CLDN10: variants seen among roughly 807,000 people sequenced by gnomAD.
CLDN10 encodes the protein claudin 10, also known as claudin-10.
In CLDN10, 15 loss-of-function variants were observed where a neutral mutation model predicts 22.9. The ratio of observed to expected loss-of-function variants is 0.65; its 90% confidence interval spans 0.44 to 1.01. The LOEUF (loss-of-function observed/expected upper bound fraction) is 1.01. Ranked by LOEUF, CLDN10 falls within the 50% of genes least tolerant of loss-of-function variation. The pLI is 0.00. For synonymous variants in CLDN10, 114 were observed against 111.4 expected (o/e 1.02, Z -0.15); for missense variants, 247 against 287.8 (o/e 0.86, Z 1.03).
At chr13:95,576,272 T>G (rs1387862358) in intron 3 of CLDN10, among the ~76,000 whole-genome samples, 1 of 152,104 alleles carries the variant, frequency 6.6e-6, no homozygotes, top group African/African-American at 2.4e-5. Context: ...TTGCCTCATC[T>G]CCCCTATGGA....
At chr13:95,465,116 C>A (rs926615186) in intron 1 of CLDN10, among the ~76,000 whole-genome samples, 2 of 152,118 alleles carry the variant, frequency 1.3e-5, no homozygotes, top group African/African-American at 4.8e-5. Flanking sequence ...ACAATCATGG[C>A]AGAAGGCAAA....
chr13:95,535,373 T>C (rs1594594984), intron 1 of CLDN10, among the ~76,000 whole-genome samples: 1 of 148,472 alleles, frequency 6.7e-6, no homozygotes. Context: ...CTGGGAAGAG[T>C]AGTGTGGGCC....
intron 1 of CLDN10, among the ~76,000 whole-genome samples, chr13:95,501,661 T>G (rs1462512332): frequency 1.3e-5 from 2 of 152,250 alleles, no homozygotes; most frequent in Non-Finnish European, 2.9e-5. Context: ...GTCTGTTTCT[T>G]TATATTGCAA....
intron 1 of CLDN10, among the ~76,000 whole-genome samples, chr13:95,458,755 C>A (rs12874147): frequency 0.21 from 32,021 of 152,048 alleles, 4,177 homozygotes; most frequent in Non-Finnish European, 0.3. Context: ...CAGCCCCTCC[C>A]AAATCTCATG....
chr13:95,576,666 C>T (rs111363411), intron 3 of CLDN10, among the ~76,000 whole-genome samples: 46 of 152,266 alleles, frequency 3.0e-4, no homozygotes, highest in African/African-American at 1.0e-3. Flanking sequence ...GCTCCTGCTG[C>T]GGTCATCGGC....
Position 95,577,289 on chromosome 13 carries a change from GGTGGT to G in CLDN10, c.526_530del (p.Gly176HisfsTer8), listed in dbSNP as rs2043947412. ...GGCAGGAGCCTCACTGTGCATAATTGGTGGTGTCATATTTTGCTTTTCAATATCTG... is the reference window on the plus strand; with the variant it reads ...GGCAGGAGCCTCACTGTGCATAATTGGTCATATTTTGCTTTTCAATATCTG... On this transcript the variant is annotated frameshift_variant, in exon 4 of 5. Transcript: ENST00000299339. LOFTEE classifies it high-confidence loss of function. 3.1e-6 allele frequency: 5 copies of G among 1,614,078 alleles called. No homozygotes were observed. The highest frequency in any genetic ancestry group is 1.3e-5 in the African/African-American group (1 of 75,014).
Position 95,483,637 on chromosome 13 carries a change from G to A in CLDN10, c.214+49590G>A, listed in dbSNP as rs184918555. On this transcript the variant is annotated intron_variant, in intron 1 of 4. Transcript: ENST00000376873. ...GGGGACAGAAGCAGGAGTGGGCAGAGCAGTGACGTTGAGCTACAACCCAAG... is the reference window on the plus strand; with the variant it reads ...GGGGACAGAAGCAGGAGTGGGCAGAACAGTGACGTTGAGCTACAACCCAAG... 1.4e-3 allele frequency among the ~76,000 whole-genome samples: 211 copies of A among 152,332 alleles called. 1 individual carries two copies. Among genetic ancestry groups the A allele is most frequent in the Middle Eastern group, 6.8e-3 (2 of 294 alleles).
intron 1 of CLDN10, among the ~76,000 whole-genome samples, chr13:95,463,285 AAT>A (rs200962205): frequency 0.024 from 946 of 39,966 alleles, 18 homozygotes; most frequent in African/African-American, 0.032. Context: ...GCAAATGCTT[AAT>A]ATATATATAT....
intron 1 of CLDN10, among the ~76,000 whole-genome samples, chr13:95,447,702 G>A (rs2042393728): frequency 6.6e-6 from 1 of 152,008 alleles, no homozygotes; most frequent in African/African-American, 2.4e-5. Context: ...GCTCCTAGCT[G>A]TGAGAATTTG....
intron 1 of CLDN10, among the ~76,000 whole-genome samples, chr13:95,546,511 A>G (rs1450321287): frequency 6.6e-6 from 1 of 152,238 alleles, no homozygotes; most frequent in Non-Finnish European, 1.5e-5. Flanking sequence ...TTTGAAGAAA[A>G]AAAACTCTCA....
rs1338500821 is a variant in CLDN10, at chr13:95,560,063, G to A, written c.221-69G>A. 15 of 1,403,850 alleles carry A rather than the reference G, an allele frequency of 1.1e-5. No individual in the cohort carries two copies. The East Asian group carries it at 1.2e-4, about 11-fold the overall frequency. 87.0% of individuals were successfully genotyped at this position (1,403,850 alleles called of 1,614,324 possible). ...GAAAACAAACATCCAGAATGACAAC[G>A]TAAAATGAGGATTTCTCCCTGGACA... is the stretch of plus-strand genomic sequence containing the variant. On this transcript the variant is annotated intron_variant, in intron 1 of 4. Transcript: ENST00000299339.
intron 1 of CLDN10, among the ~76,000 whole-genome samples, chr13:95,500,228 A>G (rs1037781734): frequency 1.3e-5 from 2 of 152,190 alleles, no homozygotes; most frequent in Non-Finnish European, 1.5e-5. Context: ...GACACACTCT[A>G]AACAGATAAA....
chr13:95,520,411 T>C (rs1483004888), intron 1 of CLDN10, among the ~76,000 whole-genome samples: 1 of 152,236 alleles, frequency 6.6e-6, no homozygotes, highest in Non-Finnish European at 1.5e-5. Context: ...TTCACTCTTG[T>C]TGCCCAGGCT....
intron 1 of CLDN10, among the ~76,000 whole-genome samples, chr13:95,487,859 G>T (rs113226792): frequency 6.6e-6 from 1 of 151,578 alleles, no homozygotes; most frequent in Non-Finnish European, 1.5e-5. Flanking sequence ...AAATTTTTTT[G>T]TAGAGACAGG....
intron 1 of CLDN10, chr13:95,479,924 T>C (rs1474997289): frequency 6.6e-6 from 1 of 152,142 alleles, no homozygotes; most frequent in African/African-American, 2.4e-5. Flanking sequence ...TCCTCCAAGC[T>C]CCCCTAGTTC....
chr13:95,447,349 C>T (rs984428073), intron 1 of CLDN10, among the ~76,000 whole-genome samples: 2 of 152,170 alleles, frequency 1.3e-5, no homozygotes, highest in Non-Finnish European at 2.9e-5. Flanking sequence ...TTCCTTGACG[C>T]GGCGCCTGGT....
chr13:95,438,975 CAAA>C (rs397851895), intron 1 of CLDN10, among the ~76,000 whole-genome samples: 1,546 of 62,108 alleles, frequency 0.025, 23 homozygotes, highest in African/African-American at 0.096. Flanking sequence ...GACTCCATCG[CAAA>C]AAAAAAAAAA....
At chr13:95,441,928 A>G (rs1191115286) in intron 1 of CLDN10, among the ~76,000 whole-genome samples, 1 of 152,198 alleles carries the variant, frequency 6.6e-6, no homozygotes, top group African/African-American at 2.4e-5. Context: ...AGCCAGGTGG[A>G]TCGCTTGAGC....
At chr13:95,504,609 A>G (rs1047962487) in intron 1 of CLDN10, among the ~76,000 whole-genome samples, 1 of 152,062 alleles carries the variant, frequency 6.6e-6, no homozygotes, top group African/African-American at 2.4e-5. Context: ...AGAACTCCTG[A>G]CCTCAGGTGA....
Sources: allele counts gnomAD v4.1 joint callset (sites outside exome capture counted in the v4.1 genomes callset), GRCh38; gene constraint gnomAD v4.1.1; transcripts MANE v1.5; gene names NCBI Gene and HGNC (gene_info 2026-07-23, HGNC 2026-07-21).